Variants in FGF13 observed in about 807,000 individuals in gnomAD.
The protein encoded by FGF13 is fibroblast growth factor homologous factor 2.
A neutral mutation model predicts 19.5 loss-of-function variants in FGF13; 2 were observed. The observed-to-expected ratio is 0.10, with a 90% confidence interval of 0.04 to 0.32. The LOEUF (loss-of-function observed/expected upper bound fraction) is 0.32, where lower values mean the gene tolerates loss of function less well. Among genes scored for constraint, FGF13 ranks in the 10% least tolerant of loss-of-function variants. The pLI, the probability that FGF13 is intolerant of heterozygous loss-of-function variation, is 1.00. For synonymous variants in FGF13, 72 were observed against 76.9 expected (o/e 0.94, Z 0.33); for missense variants, 113 against 192.7 (o/e 0.59, Z 2.45).
intron 1 of FGF13, among the ~76,000 whole-genome samples, chrX:139,093,141 G>A (rs1003997476): frequency 2.7e-5 from 3 of 112,254 alleles, no homozygotes; most frequent in Non-Finnish European, 3.8e-5. Context: ...CTATTTACTA[G>A]AACCAATGGC....
intron 1 of FGF13, among the ~76,000 whole-genome samples, chrX:138,996,239 G>T (rs975323940): frequency 1.8e-5 from 2 of 112,488 alleles, no homozygotes; most frequent in African/African-American, 6.5e-5. Flanking sequence ...CACCTCACCC[G>T]GGAAGTGCAA....
intron 1 of FGF13, among the ~76,000 whole-genome samples, chrX:138,933,470 C>T (rs749920504): frequency 5.4e-5 from 6 of 111,133 alleles, no homozygotes; most frequent in South Asian, 3.9e-4. Flanking sequence ...TTGTGTCCCC[C>T]ACTCTAAACA....
chrX:138,956,434 G>T (rs1245500811), intron 1 of FGF13, among the ~76,000 whole-genome samples: 3 of 110,542 alleles, frequency 2.7e-5, no homozygotes, highest in Non-Finnish European at 5.7e-5. Context: ...CAGGATCTTT[G>T]AGAAGTTACT....
At chrX:138,856,349 A>G (rs1398190570), downstream of FGF13, among the ~76,000 whole-genome samples, 1 of 111,611 alleles carries the variant, frequency 9.0e-6, no homozygotes, top group Non-Finnish European at 1.9e-5. Flanking sequence ...AAAGAAGAAA[A>G]GGGGAAACTT....
intron 3 of FGF13, among the ~76,000 whole-genome samples, chrX:138,787,160 T>C (rs1308180597): frequency 1.8e-5 from 2 of 112,582 alleles, no homozygotes; most frequent in East Asian, 5.6e-4. Flanking sequence ...TGTGAAAATG[T>C]TTTAAAAGAA....
chrX:138,915,903 T>C (rs905058039), intron 1 of FGF13, among the ~76,000 whole-genome samples: 1 of 112,263 alleles, frequency 8.9e-6, no homozygotes, highest in Non-Finnish European at 1.9e-5. Flanking sequence ...CTCTGTTGGC[T>C]TCTCTAAGTT....
chrX:139,035,858 C>T (rs2092248972), intron 1 of FGF13, among the ~76,000 whole-genome samples: 1 of 111,677 alleles, frequency 9.0e-6, no homozygotes, highest in Admixed American at 9.5e-5. Context: ...CCCACTCACC[C>T]ACCTCCAAAA....
intron 1 of FGF13, among the ~76,000 whole-genome samples, chrX:139,082,585 T>A (rs1241516818): frequency 9.0e-6 from 1 of 110,772 alleles, no homozygotes; most frequent in Middle Eastern, 4.2e-3. Flanking sequence ...ATTAGAGTGA[T>A]GCAGACAAAA....
intron 1 of FGF13, among the ~76,000 whole-genome samples, chrX:139,162,978 G>C (rs1405690930): frequency 1.8e-5 from 2 of 112,279 alleles, no homozygotes; most frequent in Non-Finnish European, 3.8e-5. Context: ...GTGGAAGACA[G>C]TGTGGTGATT....
At chrX:138,825,734 T>C (rs973127445) in intron 3 of FGF13, among the ~76,000 whole-genome samples, 10 of 111,900 alleles carry the variant, frequency 8.9e-5, no homozygotes, top group Admixed American at 7.6e-4. Context: ...ATATAATATG[T>C]TAAATATGTA....
At position 138,846,623 on chromosome X, in the gene FGF13, A is replaced by G. The variant is rs747404182; in HGVS notation, c.217+10889T>C. On this transcript the variant is annotated intron_variant, in intron 3 of 6. Coordinates refer to the FGF13 transcript ENST00000436198. ...CAGAAGCTAAGCAGATGCCAGCATC[A>G]TGCTTCTTGTACAGCCTGCAGAACT... Among the ~76,000 whole-genome samples the G allele has an allele frequency of 7.2e-5, 8 of 111,774 alleles. No individual in the cohort carries two copies. The South Asian group carries it at 3.0e-3, about 43-fold the overall frequency.
At chrX:138,651,829 G>A (rs1309678570) in intron 3 of FGF13, among the ~76,000 whole-genome samples, 1 of 112,233 alleles carries the variant, frequency 8.9e-6, no homozygotes, top group Non-Finnish European at 1.9e-5. Context: ...AGCAAAGCCA[G>A]TGAGGCCACA....
chrX:138,853,723 C>T (rs973164536), downstream of FGF13, among the ~76,000 whole-genome samples: 6 of 110,665 alleles, frequency 5.4e-5, no homozygotes, highest in African/African-American at 2.0e-4. Context: ...TCACCAAGCT[C>T]TGTAGTACTT....
intron 1 of FGF13, among the ~76,000 whole-genome samples, chrX:139,119,088 GCTA>G (rs779320854): frequency 1.8e-5 from 2 of 111,701 alleles, no homozygotes; most frequent in East Asian, 5.7e-4. Context: ...TGTAGTCCCA[GCTA>G]CTCTGGAGGC....
At chrX:138,653,209 A>T (rs1257512968) in intron 3 of FGF13, among the ~76,000 whole-genome samples, 1 of 111,380 alleles carries the variant, frequency 9.0e-6, no homozygotes, top group African/African-American at 3.3e-5. Flanking sequence ...GCCATGGACC[A>T]CAATTTCTCT....
chrX:138,822,727 T>A (rs1214994300), intron 3 of FGF13, among the ~76,000 whole-genome samples: 1 of 112,403 alleles, frequency 8.9e-6, no homozygotes, highest in Non-Finnish European at 1.9e-5. Context: ...TCTCTAATAA[T>A]GTAATCAAAA....
At chrX:138,675,306 G>C in intron 3 of FGF13, among the ~76,000 whole-genome samples, 1 of 111,921 alleles carries the variant, frequency 8.9e-6, no homozygotes, top group Admixed American at 9.5e-5. Context: ...AGAAATATTT[G>C]TTAGAAAAAT....
At chrX:138,743,032 T>C (rs1321982607), upstream of FGF13, among the ~76,000 whole-genome samples, 2 of 111,511 alleles carry the variant, frequency 1.8e-5, no homozygotes, top group Non-Finnish European at 3.8e-5. Flanking sequence ...ATATTTTTCA[T>C]TTAAAAAATA....
chrX:139,189,083 ACACAC>A (rs2084303717), intron 1 of FGF13, among the ~76,000 whole-genome samples: 7 of 110,262 alleles, frequency 6.3e-5, no homozygotes, highest in Non-Finnish European at 1.1e-4. Flanking sequence ...ACACACACAC[ACACAC>A]ACAAAATCAC....
Sources: gnomAD v4.1 joint callset for allele counts (sites outside exome capture counted in the v4.1 genomes callset) on GRCh38, gnomAD v4.1.1 for gene constraint, MANE v1.5 for transcripts, NCBI Gene and HGNC (gene_info 2026-07-23, HGNC 2026-07-21) for gene names.